Variants in DIP2C observed in about 807,000 individuals in gnomAD.
DIP2C encodes the protein DIP2 acetate--CoA ligase C (putative).
Under a neutral mutation model 192.4 loss-of-function variants are expected in DIP2C, and 33 were observed. The observed-to-expected ratio is 0.17, with a 90% CI of 0.13 to 0.23. The LOEUF is 0.23. DIP2C is among the 10% of genes least tolerant of loss of function. DIP2C has a pLI of 1.00. For synonymous variants in DIP2C, 979 were observed against 864.1 expected, an observed-to-expected ratio of 1.13 and a Z score of -2.33; for missense variants, 1,537 against 2,110.1, an observed-to-expected ratio of 0.73 and a Z score of 5.32.
At chr10:361,395 T>C (rs1959485665) in intron 22 of DIP2C, among the ~76,000 whole-genome samples, 1 of 152,156 alleles carries the variant, frequency 6.6e-6, no homozygotes, top group African/African-American at 2.4e-5. Flanking sequence ...TGCTGGCTGC[T>C]CTCTCTCGCC....
At position 583,962 on chromosome 10, in the gene DIP2C, AAG is replaced by A. The variant is rs376044246; in HGVS notation, c.86-97434_86-97433del. 6.3e-3 allele frequency among the ~76,000 whole-genome samples: 964 copies of A among 152,234 alleles called. 14 individuals are homozygous for A. Among genetic ancestry groups the A allele is most frequent in the African/African-American group, 0.021 (885 of 41,524 alleles). On this transcript the variant is annotated intron_variant, in intron 1 of 36. Transcript: ENST00000280886. ...CAGCTTTGAGCAGCCACAAATGTGAAAGAGAGAGGCGCGGGGGCCAGGGTGCT... is the reference window on the plus strand; with the variant it reads ...CAGCTTTGAGCAGCCACAAATGTGAAAGAGAGGCGCGGGGGCCAGGGTGCT...
At chr10:592,540 A>G (rs929623278) in intron 1 of DIP2C, among the ~76,000 whole-genome samples, 3 of 152,186 alleles carry the variant, frequency 2.0e-5, no homozygotes, top group African/African-American at 4.8e-5. Flanking sequence ...TAAAATGCTT[A>G]AAGTGAACTG....
In DIP2C at chr10:342,644, G is replaced by C. The variant is rs530877415; in HGVS notation, c.3454-1315C>G. Among the ~76,000 whole-genome samples the C allele has an allele frequency of 4.6e-5, 7 of 152,296 alleles. No individual in the cohort carries two copies. In the South Asian group the frequency reaches 1.0e-3, roughly 23 times the overall value. On this transcript the variant is annotated intron_variant, in intron 28 of 36. Transcript: ENST00000280886. ...CTGTCTTAATGATCAGAAAGTGAAG[G>C]CTCACAGAAGTTAAAGATTTTGCTG...
chr10:597,846 G>A (rs1199499368), intron 1 of DIP2C, among the ~76,000 whole-genome samples: 1 of 152,150 alleles, frequency 6.6e-6, no homozygotes, highest in Non-Finnish European at 1.5e-5. Context: ...TAGGGGTCCT[G>A]AGTCCTTTCC....
chr10:406,308 A>G (rs1964803764), intron 9 of DIP2C, among the ~76,000 whole-genome samples: 1 of 152,248 alleles, frequency 6.6e-6, no homozygotes, highest in African/African-American at 2.4e-5. Flanking sequence ...TCACAAGGTT[A>G]TACAACTGCC....
chr10:628,098 T>C (rs1854303550), intron 1 of DIP2C, among the ~76,000 whole-genome samples: 1 of 152,218 alleles, frequency 6.6e-6, no homozygotes, highest in African/African-American at 2.4e-5. Flanking sequence ...GCTCATACCT[T>C]TCCTACCTAA....
intron 1 of DIP2C, among the ~76,000 whole-genome samples, chr10:588,457 G>A (rs969704179): frequency 6.6e-6 from 1 of 152,250 alleles, no homozygotes; most frequent in South Asian, 2.1e-4. Flanking sequence ...CACTGGGTGA[G>A]GTGAGCACTC....
chr10:538,814 T>TA (rs1433039295), intron 1 of DIP2C, among the ~76,000 whole-genome samples: 1 of 152,226 alleles, frequency 6.6e-6, no homozygotes, highest in Non-Finnish European at 1.5e-5. Context: ...AAAAAAATTG[T>TA]AAGCACTGGG....
At chr10:388,267 G>A (rs1478978134) in intron 13 of DIP2C, among the ~76,000 whole-genome samples, 1 of 152,214 alleles carries the variant, frequency 6.6e-6, no homozygotes, top group Non-Finnish European at 1.5e-5. Context: ...AAAAAAAGGA[G>A]GCACTGCAAT....
chr10:355,146 G>A (rs1959017452), intron 24 of DIP2C, among the ~76,000 whole-genome samples: 1 of 152,174 alleles, frequency 6.6e-6, no homozygotes, highest in African/African-American at 2.4e-5. Context: ...CTCCGTCACA[G>A]CACCAGCGAA....
At chr10:638,288 CTCAG>C (rs1854946100) in intron 1 of DIP2C, among the ~76,000 whole-genome samples, 1 of 152,304 alleles carries the variant, frequency 6.6e-6, no homozygotes, top group African/African-American at 2.4e-5. Context: ...GTGATAAGTA[CTCAG>C]TATGTGTTTG....
chr10:585,050 A>T (rs1263181748), intron 1 of DIP2C, among the ~76,000 whole-genome samples: 1 of 128,848 alleles, frequency 7.8e-6, no homozygotes, highest in Non-Finnish European at 1.7e-5. Flanking sequence ...TCTCAATCTC[A>T]GGGCCCACGA....
chr10:517,923 G>A (rs1178965598), intron 1 of DIP2C, among the ~76,000 whole-genome samples: 1 of 152,186 alleles, frequency 6.6e-6, no homozygotes, highest in Non-Finnish European at 1.5e-5. Flanking sequence ...TCACCACAAA[G>A]TATTTTGACT....
At chr10:549,671 C>G (rs1848488083) in intron 1 of DIP2C, among the ~76,000 whole-genome samples, 1 of 152,154 alleles carries the variant, frequency 6.6e-6, no homozygotes, top group African/African-American at 2.4e-5. Flanking sequence ...CCCCCCCCGA[C>G]CAGGTGCTGG....
At chr10:509,939 T>C (rs1845896616) in intron 1 of DIP2C, among the ~76,000 whole-genome samples, 1 of 152,204 alleles carries the variant, frequency 6.6e-6, no homozygotes, top group African/African-American at 2.4e-5. Flanking sequence ...GCAGGAGTTC[T>C]CCTTTCACAG....
intron 1 of DIP2C, among the ~76,000 whole-genome samples, chr10:618,961 C>G (rs1476847971): frequency 6.6e-6 from 1 of 152,178 alleles, no homozygotes; most frequent in African/African-American, 2.4e-5. Flanking sequence ...TCCAATTCTT[C>G]TTTCCAGCTG....
chr10:605,714 T>C (rs987072509), intron 1 of DIP2C, among the ~76,000 whole-genome samples: 1 of 152,204 alleles, frequency 6.6e-6, no homozygotes, highest in Non-Finnish European at 1.5e-5. Context: ...CACCCACATT[T>C]GCAGGTCACT....
chr10:517,774 T>C (rs1846451078), intron 1 of DIP2C, among the ~76,000 whole-genome samples: 1 of 152,188 alleles, frequency 6.6e-6, no homozygotes, highest in Admixed American at 6.5e-5. Context: ...CAAGCCACCC[T>C]CTCTGTGATA....
chr10:297,452 A>G (rs1054685704), intron 32 of DIP2C, among the ~76,000 whole-genome samples: 5 of 152,196 alleles, frequency 3.3e-5, no homozygotes, highest in Admixed American at 3.3e-4. Flanking sequence ...ATGAATGGAT[A>G]TGGAAGGTGT....
Sources: gnomAD v4.1 joint callset for allele counts (sites outside exome capture counted in the v4.1 genomes callset) on GRCh38, gnomAD v4.1.1 for gene constraint, MANE v1.5 for transcripts, NCBI Gene and HGNC (gene_info 2026-07-23, HGNC 2026-07-21) for gene names.